The following CWC27 variants were observed in gnomAD, a reference collection of about 807,000 sequenced individuals.
CWC27 encodes the protein spliceosome-associated protein CWC27 homolog.
A neutral mutation model predicts 63.6 loss-of-function variants in CWC27; 47 were observed. The ratio of observed to expected loss-of-function variants is 0.74; its 90% confidence interval spans 0.58 to 0.94. The LOEUF is 0.94. Among genes scored for constraint, CWC27 ranks in the 40% least tolerant of loss-of-function variants. The pLI is 0.00. For synonymous variants in CWC27, 175 were observed against 179.8 expected, an observed-to-expected ratio of 0.97 and a Z score of 0.22; for missense variants, 495 against 554.3, an observed-to-expected ratio of 0.89 and a Z score of 1.07.
chr5:64,794,958 T>C lies in CWC27; in HGVS notation c.670-5290T>C, dbSNP rs1418545918. Among the ~76,000 whole-genome samples, 3 of 152,186 alleles carry C rather than the reference T, an allele frequency of 2.0e-5. No homozygotes were observed. In the East Asian group the frequency reaches 5.8e-4, roughly 29 times the overall value. ...GCTAGATTTTTATTCAGTGATCAAA[T>C]TGTGCCACATTCACAGTGATACACA... is the stretch of plus-strand genomic sequence containing the variant. On this transcript the variant is annotated intron_variant, in intron 7 of 13. Transcript: ENST00000381070.
chr5:64,977,266 C>G lies in CWC27; in HGVS notation c.1256+28C>G, dbSNP rs998100538. On this transcript the variant is annotated intron_variant, in intron 13 of 13. Coordinates refer to ENST00000381070, the MANE Select transcript of CWC27 (RefSeq NM_005869.4). ...AAGGGCTTTGATTTCTGTATATTAA[C>G]CATGAACAAATAGTCTCAGAGCAGA... 2.8e-6 allele frequency: 4 copies of G among 1,450,824 alleles called. No homozygotes were observed. The Admixed American group carries it at 6.8e-5, about 25-fold the overall frequency. The allele number at this position is 1,450,824 out of a possible 1,614,324, so 89.9% of individuals were successfully genotyped here. A position where few individuals can be genotyped will look rare whatever the true frequency, so the allele number is the denominator to read the frequency against.
At chr5:64,775,043 T>C (rs1743393609) in intron 2 of CWC27, among the ~76,000 whole-genome samples, 1 of 152,212 alleles carries the variant, frequency 6.6e-6, no homozygotes, top group South Asian at 2.1e-4. Context: ...TTCTTTGCTA[T>C]CTTACGCTTC....
intron 9 of CWC27, among the ~76,000 whole-genome samples, chr5:64,803,729 T>C (rs1319554679): frequency 1.3e-5 from 2 of 152,136 alleles, no homozygotes; most frequent in Non-Finnish European, 2.9e-5. Context: ...CAGGGAGGTT[T>C]AGATTGCATA....
chr5:64,823,785 C>T (rs1200065318), intron 10 of CWC27, among the ~76,000 whole-genome samples: 5 of 152,038 alleles, frequency 3.3e-5, no homozygotes, highest in African/African-American at 9.7e-5. Context: ...GCCAACCAGC[C>T]GGAACTCAAA....
At chr5:64,892,918 T>C (rs1421641885) in intron 11 of CWC27, among the ~76,000 whole-genome samples, 2 of 151,576 alleles carry the variant, frequency 1.3e-5, no homozygotes, top group African/African-American at 4.9e-5. Context: ...TGTTGTAGTC[T>C]GTTACCTCTT....
intron 11 of CWC27, among the ~76,000 whole-genome samples, chr5:64,923,941 T>C (rs1225802492): frequency 6.6e-6 from 1 of 152,166 alleles, no homozygotes; most frequent in Non-Finnish European, 1.5e-5. Flanking sequence ...GTGTCATCTT[T>C]GGCTTCTTTC....
chr5:64,860,429 G>T (rs905537479), intron 10 of CWC27, among the ~76,000 whole-genome samples: 20 of 152,082 alleles, frequency 1.3e-4, no homozygotes, highest in Non-Finnish European at 2.9e-4. Context: ...CCTATGAACT[G>T]CCCTTGGTTT....
rs75774770 is a variant in CWC27 at position 64,918,760 on chromosome 5, T to C, written c.1042+33214T>C. ...TCTGCTCTTTTTTCTTCATTTTTTC[T>C]GTTTAATATAATAGTATCTCTCACT... is the stretch of plus-strand genomic sequence containing the variant. On this transcript the variant is annotated intron_variant, in intron 11 of 13. Transcript: ENST00000381070. 8.5e-3 allele frequency among the ~76,000 whole-genome samples: 1,302 copies of C among 152,292 alleles called. 20 individuals carry two copies. The highest frequency in any genetic ancestry group is 0.03 in the African/African-American group (1,232 of 41,548).
chr5:64,834,372 C>T (rs1314620639), intron 10 of CWC27, among the ~76,000 whole-genome samples: 1 of 151,526 alleles, frequency 6.6e-6, no homozygotes, highest in Non-Finnish European at 1.5e-5. Flanking sequence ...ACAAAGATAA[C>T]TTTTTCTTTC....
intron 10 of CWC27, among the ~76,000 whole-genome samples, chr5:64,815,470 T>G (rs1269060989): frequency 1.3e-5 from 2 of 152,224 alleles, no homozygotes; most frequent in African/African-American, 4.8e-5. Flanking sequence ...GTTATATCGT[T>G]AAGCCTGATG....
At chr5:65,002,716 A>G (rs1025761541) in intron 13 of CWC27, among the ~76,000 whole-genome samples, 1 of 152,014 alleles carries the variant, frequency 6.6e-6, no homozygotes, top group African/African-American at 2.4e-5. Context: ...ACTATGGTCT[A>G]TTCTGGAGAA....
At chr5:64,781,403 G>A (rs1201566322) in intron 2 of CWC27, among the ~76,000 whole-genome samples, 2 of 152,066 alleles carry the variant, frequency 1.3e-5, no homozygotes, top group Non-Finnish European at 2.9e-5. Flanking sequence ...TTTCCTGTGA[G>A]GAAAAGAGGA....
chr5:64,988,826 A>G (rs917907997), intron 13 of CWC27, among the ~76,000 whole-genome samples: 1 of 151,700 alleles, frequency 6.6e-6, no homozygotes, highest in Non-Finnish European at 1.5e-5. Flanking sequence ...CTGGTCTCGA[A>G]CTCCGTACCT....
At chr5:64,953,310 T>C (rs996347002) in intron 11 of CWC27, among the ~76,000 whole-genome samples, 32 of 152,158 alleles carry the variant, frequency 2.1e-4, no homozygotes, top group African/African-American at 7.7e-4. Context: ...TTGAAGGCCA[T>C]AGTAGTTAAC....
At chr5:64,996,381 G>C (rs1749632736) in intron 13 of CWC27, among the ~76,000 whole-genome samples, 2 of 152,094 alleles carry the variant, frequency 1.3e-5, no homozygotes, top group African/African-American at 4.8e-5. Context: ...AAATGTAATA[G>C]TAATGTTTTA....
At chr5:64,779,609 C>A (rs1743589815) in intron 2 of CWC27, among the ~76,000 whole-genome samples, 1 of 152,176 alleles carries the variant, frequency 6.6e-6, no homozygotes, top group South Asian at 2.1e-4. Flanking sequence ...GTGCAGCCGG[C>A]ACCTCTATGT....
intron 10 of CWC27, among the ~76,000 whole-genome samples, chr5:64,824,671 T>C (rs1047077356): frequency 4.2e-5 from 5 of 119,334 alleles, no homozygotes; most frequent in African/African-American, 1.7e-4. Context: ...GTTTTGTGGG[T>C]TTTTTTTTTT....
chr5:64,932,824 A>G (rs1267920212), intron 11 of CWC27, among the ~76,000 whole-genome samples: 1 of 152,182 alleles, frequency 6.6e-6, no homozygotes, highest in Admixed American at 6.5e-5. Context: ...CCAGGTTTGT[A>G]TCACATCCTT....
chr5:64,902,827 T>A (rs529482048), intron 11 of CWC27, among the ~76,000 whole-genome samples: 1 of 152,236 alleles, frequency 6.6e-6, no homozygotes, highest in African/African-American at 2.4e-5. Context: ...ATCTTACTAC[T>A]ATTGGGTAGT....
Sources: gnomAD v4.1 joint callset for allele counts (sites outside exome capture counted in the v4.1 genomes callset) on GRCh38, gnomAD v4.1.1 for gene constraint, MANE v1.5 for transcripts, NCBI Gene and HGNC (gene_info 2026-07-23, HGNC 2026-07-21) for gene names.